The following TNS1 variants were observed in gnomAD, a reference collection of about 807,000 sequenced individuals.
The protein encoded by TNS1 is tensin 1.
In TNS1, 62 loss-of-function variants were observed where a neutral mutation model predicts 168.6. The observed-to-expected ratio is 0.37, with a 90% CI of 0.30 to 0.45. TNS1 has a LOEUF of 0.45. Ranked by LOEUF, TNS1 falls within the 20% of genes least tolerant of loss-of-function variation. The pLI, the probability that TNS1 is intolerant of heterozygous loss-of-function variation, is 1.00. For synonymous variants in TNS1, 934 were observed against 933.2 expected, an observed-to-expected ratio of 1.00 and a Z score of -0.02; for missense variants, 2,240 against 2,339.4, an observed-to-expected ratio of 0.96 and a Z score of 0.88.
chr2:217,837,402 GC>G (rs537515733), intron 19 of TNS1, among the ~76,000 whole-genome samples: 23 of 152,338 alleles, frequency 1.5e-4, no homozygotes, highest in Admixed American at 7.8e-4. Flanking sequence ...CACCTGGGAA[GC>G]CTTCCTACTT....
chr2:217,932,954 G>A (rs1447708014), intron 3 of TNS1, among the ~76,000 whole-genome samples: 3 of 152,198 alleles, frequency 2.0e-5, no homozygotes, highest in African/African-American at 7.2e-5. Context: ...GGACGAGGCT[G>A]CACCAGGAGC....
chr2:217,876,901 T>C (rs1034794959), intron 18 of TNS1, among the ~76,000 whole-genome samples: 1 of 152,126 alleles, frequency 6.6e-6, no homozygotes. Context: ...AGAAAATTCA[T>C]TTCTGTTGAA....
chr2:217,840,776 T>C (rs1236663438), intron 19 of TNS1, among the ~76,000 whole-genome samples: 2 of 152,160 alleles, frequency 1.3e-5, no homozygotes, highest in Non-Finnish European at 2.9e-5. Context: ...TGCTGGACTG[T>C]CCAGAGCCCT....
At chr2:217,897,670 G>A (rs1319939901) in intron 8 of TNS1, 128 bp downstream of exon 8, 4 of 1,028,690 alleles carry the variant, frequency 3.9e-6, no homozygotes, top group Admixed American at 5.1e-5. Context: ...GAGGGGAAAG[G>A]CAGATAAACA....
At chr2:217,938,459 G>T (rs1157060126) in intron 3 of TNS1, among the ~76,000 whole-genome samples, 3 of 152,226 alleles carry the variant, frequency 2.0e-5, no homozygotes, top group East Asian at 3.9e-4. Context: ...GAGTGGACAT[G>T]GTTCTCCCCT....
chr2:217,878,269 C>T (rs985147577), intron 18 of TNS1, among the ~76,000 whole-genome samples: 1 of 152,156 alleles, frequency 6.6e-6, no homozygotes, highest in Non-Finnish European at 1.5e-5. Flanking sequence ...CTTTCTCTGT[C>T]CATGGGTGAG....
Position 217,818,629 on chromosome 2 carries a change from A to G in TNS1, c.3703T>C (p.Tyr1235His). The stretch of plus-strand genomic sequence containing the variant: ...GTCGGGAGAGGAGAAGAGCTCTGGT[A>G]GTTTCTCTGGGCAGACGGGCTGGGC... Reference protein sequence around the residue: ...GQPSPSAQRNYQSSSPLPTVG... With the variant: ...GQPSPSAQRNHQSSSPLPTVG... The change falls in exon 24 of 33, where the codon TAC becomes CAC. Residue 1235 changes from tyrosine to histidine, a missense_variant. Physicochemically the swap from Tyr to His is moderately conservative, Grantham distance 83. Transcript: ENST00000682258. The G allele has an allele frequency of 6.2e-7, 1 of 1,614,196 alleles. No individual in the cohort carries two copies. The highest frequency in any genetic ancestry group is 1.1e-5 in the South Asian group (1 of 91,082).
At chr2:217,856,739 C>T (rs2125503226) in intron 18 of TNS1, among the ~76,000 whole-genome samples, 1 of 152,272 alleles carries the variant, frequency 6.6e-6, no homozygotes, top group South Asian at 2.1e-4. Flanking sequence ...GAGCCCACAA[C>T]AAGCACAGGG....
At chr2:218,010,457 G>A, upstream of TNS1, 1 of 355,684 alleles carries the variant, frequency 2.8e-6, no homozygotes, top group South Asian at 1.5e-4. Flanking sequence ...GCGGGCAGCA[G>A]GGGGCTTACA....
chr2:218,006,924 C>T (rs2105992437), upstream of TNS1, among the ~76,000 whole-genome samples: 1 of 152,300 alleles, frequency 6.6e-6, no homozygotes, highest in South Asian at 2.1e-4. Flanking sequence ...AACAGACAGC[C>T]ACACTGCGTC....
chr2:217,900,919 G>C (rs1228503234), intron 6 of TNS1, among the ~76,000 whole-genome samples: 2 of 152,132 alleles, frequency 1.3e-5, no homozygotes, highest in African/African-American at 4.8e-5. Context: ...TGAGAGTAAT[G>C]GCGCCCCTCT....
chr2:218,026,737 G>A (rs1248315303), intron 1 of TNS1, among the ~76,000 whole-genome samples: 1 of 152,218 alleles, frequency 6.6e-6, no homozygotes, highest in Non-Finnish European at 1.5e-5. Flanking sequence ...CCCAGATCAG[G>A]AGACTCCAGT....
At chr2:217,979,050 C>G in intron 2 of TNS1, 1 of 478,910 alleles carries the variant, frequency 2.1e-6, no homozygotes, top group Non-Finnish European at 3.7e-6. Flanking sequence ...AGCCAGAGCC[C>G]CTCCGGGTGC....
At chr2:217,881,356 A>C (rs1950667028) in intron 17 of TNS1, 1 of 227,984 alleles carries the variant, frequency 4.4e-6, no homozygotes, top group South Asian at 8.9e-5. Context: ...AGGCAGTGCC[A>C]AGAGACTAGA....
At chr2:217,822,396 C>T (rs962451411) in intron 22 of TNS1, among the ~76,000 whole-genome samples, 1 of 152,180 alleles carries the variant, frequency 6.6e-6, no homozygotes, top group African/African-American at 2.4e-5. Flanking sequence ...AGCTCCACCC[C>T]CTGCCCAGAA....
At chr2:217,841,479 G>A (rs1945953513) in intron 19 of TNS1, among the ~76,000 whole-genome samples, 1 of 152,174 alleles carries the variant, frequency 6.6e-6, no homozygotes, top group Non-Finnish European at 1.5e-5. Flanking sequence ...ATTAGTTGGT[G>A]TTCTGACTCT....
chr2:217,958,434 T>C (rs1329656206), intron 3 of TNS1, among the ~76,000 whole-genome samples: 1 of 152,158 alleles, frequency 6.6e-6, no homozygotes, highest in Non-Finnish European at 1.5e-5. Context: ...ACGGGAGACA[T>C]CGGTCACAGA....
rs138640986 is a variant in TNS1, at chr2:217,995,783, C to T, written c.34-4727G>A. ...CTCCACACCCACACCCCTCAACCCCCACCTCTCTCAAGAGCCAGGGCCCAG... is the reference window on the plus strand; with the variant it reads ...CTCCACACCCACACCCCTCAACCCCTACCTCTCTCAAGAGCCAGGGCCCAG... On this transcript the variant is annotated intron_variant, in intron 1 of 32. Coordinates refer to ENST00000682258, the MANE Select transcript of TNS1 (RefSeq NM_001387777.1). The surrounding 1 kb of genome is among the most constrained non-coding windows in gnomAD (Gnocchi z 4.1). 3.3e-3 allele frequency among the ~76,000 whole-genome samples: 507 copies of T among 152,312 alleles called. 3 individuals carry two copies. Among genetic ancestry groups the T allele is most frequent in the African/African-American group, 0.011 (469 of 41,568 alleles).
At chr2:218,019,833 C>T (rs1958792197) in intron 1 of TNS1, among the ~76,000 whole-genome samples, 1 of 152,140 alleles carries the variant, frequency 6.6e-6, no homozygotes, top group Non-Finnish European at 1.5e-5. Context: ...GCCCTCCCAC[C>T]CTCCTGCTGG....
Sources: allele counts gnomAD v4.1 joint callset (sites outside exome capture counted in the v4.1 genomes callset), GRCh38; gene constraint gnomAD v4.1.1; non-coding constraint Gnocchi (gnomAD v3.1); transcripts MANE v1.5; gene names NCBI Gene and HGNC (gene_info 2026-07-23, HGNC 2026-07-21).